The following BTAF1 variants were observed in gnomAD, a reference collection of about 807,000 sequenced individuals.
BTAF1 encodes B-TFIID TATA-box binding protein associated factor 1.
A neutral mutation model predicts 227.1 loss-of-function variants in BTAF1; 38 were observed. The ratio of observed to expected loss-of-function variants is 0.17; its 90% confidence interval spans 0.13 to 0.22. The LOEUF is 0.22. Ranked by LOEUF, BTAF1 falls within the 10% of genes least tolerant of loss-of-function variation. The pLI is 1.00. For missense variants in BTAF1, 1,598 were observed against 2,204.0 expected, an observed-to-expected ratio of 0.73 and a Z score of 5.51; for synonymous variants, 742 against 751.9, an observed-to-expected ratio of 0.99 and a Z score of 0.21.
chr10:92,005,377 T>C (rs572021033), intron 25 of BTAF1, among the ~76,000 whole-genome samples: 2 of 152,228 alleles, frequency 1.3e-5, no homozygotes, highest in South Asian at 2.1e-4. Context: ...AATTTAGGGA[T>C]TGCATCACAT....
chr10:91,966,820 G>A, intron 14 of BTAF1, 63 bp downstream of exon 14: 1 of 1,480,918 alleles, frequency 6.8e-7, no homozygotes, highest in Non-Finnish European at 9.1e-7. Context: ...AAATAAACCT[G>A]GTCTTTAGCT....
chr10:91,999,552 G>A (rs886961145), intron 25 of BTAF1, among the ~76,000 whole-genome samples: 2 of 152,140 alleles, frequency 1.3e-5, no homozygotes, highest in African/African-American at 4.8e-5. Context: ...GCGCCACTGC[G>A]CCCTGCTAAT....
chr10:92,020,636 C>CA (rs1200082156), intron 34 of BTAF1, among the ~76,000 whole-genome samples: 1 of 152,080 alleles, frequency 6.6e-6, no homozygotes, highest in Non-Finnish European at 1.5e-5. Context: ...GGACTATGAA[C>CA]TTTCACACTG....
Position 91,923,770 on chromosome 10 carries a change from A to T in BTAF1, c.-307A>T, listed in dbSNP as rs1843635613. 1 of 379,082 alleles carries T rather than the reference A, an allele frequency of 2.6e-6. No individual in the cohort carries two copies. Among genetic ancestry groups the T allele is most frequent in the Non-Finnish European group, 4.7e-6 (1 of 212,062 alleles). The allele number at this position is 379,082 out of a possible 1,614,324, so 23.5% of individuals were successfully genotyped here. ...CGTCACTTCCGGCGCGCTGACGCTC[A>T]GTTGTGCGTGCCGACGCCCGCGTCA... On this transcript the variant is annotated 5_prime_UTR_variant, in exon 1 of 38. Coordinates refer to ENST00000265990, the MANE Select transcript of BTAF1 (RefSeq NM_003972.3).
intron 4 of BTAF1, among the ~76,000 whole-genome samples, chr10:91,945,767 A>T (rs1434839981): frequency 6.6e-6 from 1 of 152,190 alleles, no homozygotes; most frequent in Non-Finnish European, 1.5e-5. Context: ...TATCTGTTTG[A>T]GTTACTGCTT....
intron 14 of BTAF1, among the ~76,000 whole-genome samples, chr10:91,972,878 A>G (rs756454552): frequency 3.3e-5 from 5 of 152,230 alleles, no homozygotes; most frequent in East Asian, 3.8e-4. Context: ...AAATATTAAT[A>G]TATTTTATTC....
intron 4 of BTAF1, among the ~76,000 whole-genome samples, chr10:91,944,504 G>A (rs537742392): frequency 6.6e-6 from 1 of 152,156 alleles, no homozygotes; most frequent in Admixed American, 6.5e-5. Context: ...TGGATGCCTA[G>A]TGTTTTTCCC....
At chr10:91,950,867 C>G (rs549025208) in intron 4 of BTAF1, among the ~76,000 whole-genome samples, 10 of 143,354 alleles carry the variant, frequency 7.0e-5, no homozygotes, top group Non-Finnish European at 1.2e-4. Flanking sequence ...GGGTCTCACT[C>G]TGTTTCCCAG....
At chr10:91,931,886 A>G (rs112791058) in intron 1 of BTAF1, among the ~76,000 whole-genome samples, 7 of 152,300 alleles carry the variant, frequency 4.6e-5, no homozygotes, top group Non-Finnish European at 7.4e-5. Context: ...AAGAGAATCA[A>G]AGAAGCATTC....
intron 4 of BTAF1, among the ~76,000 whole-genome samples, chr10:91,947,197 G>C (rs970926198): frequency 6.6e-6 from 1 of 152,086 alleles, no homozygotes; most frequent in Non-Finnish European, 1.5e-5. Flanking sequence ...TTCCTCTGTG[G>C]TAAGAAGCAT....
rs1849010607 is a variant in BTAF1, at chr10:91,994,558, G to C, written c.3223G>C (p.Gly1075Arg). 1 of 1,613,490 alleles carries C rather than the reference G, an allele frequency of 6.2e-7. No homozygotes were observed. The highest frequency in any genetic ancestry group is 8.5e-7 in the Non-Finnish European group (1 of 1,179,524). ...AGATGGAAAATCCCTCCTGGATAAG[G>C]GAGATAGCCCTGCTCAAGAATTGGT... ...NFDGKSLLDK[G>R]DSPAQELVNS... The change falls in exon 23 of 38, where the codon GGA becomes CGA. Residue 1075 changes from glycine (G) to arginine (R), a missense_variant. This residue lies in a region of BTAF1 where 425 missense variants were observed against 491.2 expected (regional missense o/e 0.87). Coordinates refer to ENST00000265990, the MANE Select transcript of BTAF1 (RefSeq NM_003972.3).
chr10:91,944,989 G>A (rs1845264901), intron 4 of BTAF1, among the ~76,000 whole-genome samples: 1 of 152,204 alleles, frequency 6.6e-6, no homozygotes, highest in African/African-American at 2.4e-5. Context: ...TGTAGCCTAG[G>A]AGCAACAGGC....
At chr10:92,025,898 G>T (rs1050367764) in intron 35 of BTAF1, among the ~76,000 whole-genome samples, 3 of 151,408 alleles carry the variant, frequency 2.0e-5, no homozygotes, top group Non-Finnish European at 4.4e-5. Flanking sequence ...TTTGGAAGCC[G>T]ACAGGCTCAG....
At chr10:91,972,533 A>G (rs1010912873) in intron 14 of BTAF1, among the ~76,000 whole-genome samples, 13 of 152,256 alleles carry the variant, frequency 8.5e-5, no homozygotes, top group African/African-American at 2.7e-4. Flanking sequence ...TCATTATGCA[A>G]TGAAAACTCA....
intron 8 of BTAF1, among the ~76,000 whole-genome samples, chr10:91,958,513 C>T (rs1022550853): frequency 1.3e-5 from 2 of 151,850 alleles, no homozygotes; most frequent in African/African-American, 4.8e-5. Flanking sequence ...ACCAGCCTGG[C>T]CAACATGGAG....
chr10:91,950,124 CAG>C (rs983011668), intron 4 of BTAF1, among the ~76,000 whole-genome samples: 2 of 121,526 alleles, frequency 1.6e-5, no homozygotes, highest in Non-Finnish European at 3.3e-5. Flanking sequence ...GCGTGGGTAT[CAG>C]AGTGAGAGAC....
At chr10:91,956,473 T>C (rs757380996) in intron 6 of BTAF1, 55 bp from the exon 7 acceptor site, 47 of 1,506,286 alleles carry the variant, frequency 3.1e-5, no homozygotes, top group Non-Finnish European at 3.0e-5. Context: ...ATTTCATTCA[T>C]TGTGGTTCAC....
intron 14 of BTAF1, among the ~76,000 whole-genome samples, chr10:91,977,617 GT>G (rs1249175968): frequency 2.0e-5 from 3 of 152,076 alleles, no homozygotes; most frequent in Non-Finnish European, 4.4e-5. Context: ...TTGCTGGATG[GT>G]AAGAGTATTT....
At chr10:91,998,439 A>G (rs969712968) in intron 25 of BTAF1, among the ~76,000 whole-genome samples, 1 of 152,184 alleles carries the variant, frequency 6.6e-6, no homozygotes, top group African/African-American at 2.4e-5. Context: ...AGAGATGGTA[A>G]TTAAGACTGT....
Sources: gnomAD v4.1 joint callset for allele counts (sites outside exome capture counted in the v4.1 genomes callset) on GRCh38, gnomAD v4.1.1 for gene constraint, gnomAD v4.1.1 regional missense constraint, MANE v1.5 for transcripts, NCBI Gene and HGNC (gene_info 2026-07-23, HGNC 2026-07-21) for gene names.